The following ESF1 variants were observed in gnomAD, a reference collection of about 807,000 sequenced individuals.
ESF1 encodes ESF1 nucleolar pre-rRNA processing protein, also known as ESF1 homolog.
ESF1 carries 58 observed loss-of-function variants against 92.0 expected under a neutral mutation model. That is an observed-to-expected ratio of 0.63 (90% CI 0.51 to 0.78). ESF1 has a LOEUF of 0.78. ESF1 is among the 30% of genes least tolerant of loss of function. ESF1 has a pLI of 0.00. For synonymous variants in ESF1, 321 were observed against 313.7 expected (o/e 1.02, Z -0.24); for missense variants, 922 against 989.1 (o/e 0.93, Z 0.91).
chr20:13,733,242 A>T (rs2049955390), intron 10 of ESF1, among the ~76,000 whole-genome samples: 1 of 152,162 alleles, frequency 6.6e-6, no homozygotes, highest in South Asian at 2.1e-4. Context: ...TACTCTTGAT[A>T]AAGGAATTTA....
chr20:13,750,354 A>C (rs1568719299), intron 9 of ESF1, among the ~76,000 whole-genome samples: 1 of 152,002 alleles, frequency 6.6e-6, no homozygotes, highest in Non-Finnish European at 1.5e-5. Flanking sequence ...AAAATATAAA[A>C]ATTAGTTGGG....
chr20:13,778,321 A>T (rs1035061053), intron 2 of ESF1, among the ~76,000 whole-genome samples: 1 of 152,150 alleles, frequency 6.6e-6, no homozygotes, highest in Non-Finnish European at 1.5e-5. Context: ...GAAAAACACA[A>T]CATTGAAAGT....
rs931351296 is a variant in ESF1, at chr20:13,769,954, C to T, written c.1471G>A (p.Ala491Thr). 6.2e-7 allele frequency: 1 copy of T among 1,612,276 alleles called. No individual in the cohort carries two copies. Among genetic ancestry groups the T allele is most frequent in the African/African-American group, 1.3e-5 (1 of 74,846 alleles). Residue 491 changes from alanine to threonine, a missense_variant, in exon 7 of 14, where the codon GCA becomes ACA. Ala to Thr is a moderately conservative substitution (Grantham distance 58). Coordinates refer to ENST00000617257, the MANE Select transcript of ESF1 (RefSeq NM_001276380.2). ...KDVASEVNLT[A>T]YKPKYFTSAA... ...GAAGTGAAATATTTTGGTTTATATG[C>T]TGTTAAATTCACTTCTGAGGCTACA...
intron 10 of ESF1, 101 bp downstream of exon 10, chr20:13,733,620 A>T: frequency 1.6e-6 from 2 of 1,250,546 alleles, no homozygotes; most frequent in Non-Finnish European, 2.2e-6. Flanking sequence ...GGCCTACTTC[A>T]GTGAGTGGTT....
intron 3 of ESF1, 131 bp from the exon 4 acceptor site, chr20:13,775,401 G>GT: frequency 1.9e-6 from 1 of 539,628 alleles, no homozygotes; most frequent in African/African-American, 2.0e-5. Flanking sequence ...TTATCTAAGC[G>GT]TAATTCAGTA....
intron 8 of ESF1, among the ~76,000 whole-genome samples, chr20:13,760,321 C>A (rs897789202): frequency 2.0e-5 from 3 of 150,494 alleles, no homozygotes; most frequent in Non-Finnish European, 4.4e-5. Flanking sequence ...AGCGCCTCTT[C>A]CCGGCCGCCA....
intron 8 of ESF1, among the ~76,000 whole-genome samples, chr20:13,761,053 T>C (rs1382342867): frequency 2.0e-5 from 3 of 152,056 alleles, no homozygotes; most frequent in African/African-American, 7.2e-5. Flanking sequence ...TTCTTCTGCC[T>C]TGGGATCCTG....
intron 9 of ESF1, among the ~76,000 whole-genome samples, chr20:13,734,872 T>C (rs1007441721): frequency 6.6e-6 from 1 of 152,068 alleles, no homozygotes. Flanking sequence ...TGTTGATGAG[T>C]ATATACAGAC....
intron 9 of ESF1, among the ~76,000 whole-genome samples, chr20:13,746,677 A>C (rs888021965): frequency 6.6e-6 from 1 of 152,216 alleles, no homozygotes; most frequent in African/African-American, 2.4e-5. Context: ...ATGAATATAG[A>C]AGGATATACT....
At chr20:13,782,454 T>C in intron 2 of ESF1, 50 bp downstream of exon 2, 1 of 1,420,604 alleles carries the variant, frequency 7.0e-7, no homozygotes, top group Non-Finnish European at 9.3e-7. Context: ...AAGATCAGTA[T>C]AAAAATAAAT....
At chr20:13,773,554 T>A (rs6110035) in intron 4 of ESF1, among the ~76,000 whole-genome samples, 101,183 of 151,832 alleles carry the variant, frequency 0.67, 33,994 homozygotes, top group East Asian at 0.89. Flanking sequence ...AAGTTCTCTA[T>A]CCAATGACCT....
chr20:13,726,112 A>G (rs1388991825), intron 11 of ESF1, among the ~76,000 whole-genome samples: 1 of 152,188 alleles, frequency 6.6e-6, no homozygotes. Context: ...TCTTTGGTCT[A>G]GAGCTCGGCA....
intron 9 of ESF1, among the ~76,000 whole-genome samples, chr20:13,739,969 A>G (rs2050000693): frequency 1.3e-5 from 2 of 152,160 alleles, no homozygotes; most frequent in African/African-American, 2.4e-5. Flanking sequence ...TCCCCCACAA[A>G]TCAGAGAGAA....
intron 1 of ESF1, among the ~76,000 whole-genome samples, chr20:13,784,600 C>A (rs548897660): frequency 1.2e-4 from 18 of 152,032 alleles, no homozygotes; most frequent in African/African-American, 4.8e-5. Context: ...TCTGCCCGCT[C>A]TCTAATTCGG....
intron 2 of ESF1, among the ~76,000 whole-genome samples, chr20:13,777,567 A>G (rs1271740175): frequency 1.3e-5 from 2 of 152,196 alleles, no homozygotes; most frequent in African/African-American, 4.8e-5. Flanking sequence ...GGATGAGATC[A>G]CCTATAAAGA....
intron 4 of ESF1, among the ~76,000 whole-genome samples, chr20:13,773,257 CAT>C (rs1356280169): frequency 6.6e-6 from 1 of 152,178 alleles, no homozygotes; most frequent in Non-Finnish European, 1.5e-5. Flanking sequence ...TTAATGAACA[CAT>C]GCTTTTTTAA....
chr20:13,731,397 T>C (rs371608890), intron 10 of ESF1, among the ~76,000 whole-genome samples: 11 of 151,898 alleles, frequency 7.2e-5, no homozygotes, highest in Admixed American at 2.0e-4. Context: ...CCGGGTGTGG[T>C]GGCGGGCGCC....
chr20:13,750,018 T>C (rs1356591711), intron 9 of ESF1, among the ~76,000 whole-genome samples: 2 of 152,258 alleles, frequency 1.3e-5, no homozygotes. Flanking sequence ...TAGGAGTTTT[T>C]ACTGGCTTCA....
intron 9 of ESF1, among the ~76,000 whole-genome samples, chr20:13,747,313 C>CA (rs2050056749): frequency 6.7e-6 from 1 of 150,352 alleles, no homozygotes; most frequent in East Asian, 1.9e-4. Flanking sequence ...GTAATCCTAG[C>CA]ATTTTGAGAG....
Sources: allele counts gnomAD v4.1 joint callset (sites outside exome capture counted in the v4.1 genomes callset), GRCh38; gene constraint gnomAD v4.1.1; transcripts MANE v1.5; gene names NCBI Gene and HGNC (gene_info 2026-07-23, HGNC 2026-07-21).